Variants in GALNTL6 observed in about 807,000 individuals in gnomAD.
GALNTL6 encodes polypeptide N-acetylgalactosaminyltransferase like 6.
Under a neutral mutation model 73.7 loss-of-function variants are expected in GALNTL6, and 46 were observed. The ratio of observed to expected loss-of-function variants is 0.62; its 90% CI spans 0.49 to 0.80. GALNTL6 has a LOEUF of 0.80. Ranked by LOEUF, GALNTL6 falls within the 30% of genes least tolerant of loss-of-function variation. GALNTL6 has a pLI of 0.00. For synonymous variants in GALNTL6, 259 were observed against 263.7 expected (o/e 0.98, Z 0.17); for missense variants, 604 against 755.0 (o/e 0.80, Z 2.34).
chr4:172,906,793 AG>A (rs1746919055), intron 8 of GALNTL6, among the ~76,000 whole-genome samples: 2 of 152,248 alleles, frequency 1.3e-5, no homozygotes, highest in Admixed American at 6.5e-5. Context: ...CAAGGCCAGC[AG>A]GAGAATTTCT....
intron 7 of GALNTL6, among the ~76,000 whole-genome samples, chr4:172,853,845 A>C (rs1743972447): frequency 6.6e-6 from 1 of 152,194 alleles, no homozygotes; most frequent in Non-Finnish European, 1.5e-5. Context: ...TATTCTATGT[A>C]GTATTGGCAA....
chr4:171,823,556 A>AAT (rs543069066), intron 2 of GALNTL6, among the ~76,000 whole-genome samples: 77 of 133,666 alleles, frequency 5.8e-4, no homozygotes, highest in South Asian at 3.8e-3. Flanking sequence ...ATAAACTGTG[A>AAT]ATATATATAT....
At chr4:172,525,835 C>G (rs774368711) in intron 5 of GALNTL6, among the ~76,000 whole-genome samples, 1 of 152,040 alleles carries the variant, frequency 6.6e-6, no homozygotes, top group Non-Finnish European at 1.5e-5. Flanking sequence ...TGCACTCCAG[C>G]CTGGGTGACA....
At chr4:172,946,715 GT>G in intron 9 of GALNTL6, among the ~76,000 whole-genome samples, 1 of 152,186 alleles carries the variant, frequency 6.6e-6, no homozygotes. Context: ...ATTAATGCCA[GT>G]TTGGGTTGAA....
At chr4:171,881,072 G>T (rs182022628) in intron 2 of GALNTL6, among the ~76,000 whole-genome samples, 200 of 152,072 alleles carry the variant, frequency 1.3e-3, no homozygotes, top group African/African-American at 4.5e-3. Flanking sequence ...TTTAACAGTT[G>T]TGAACAATCT....
At chr4:172,050,858 T>G (rs1220757506) in intron 2 of GALNTL6, among the ~76,000 whole-genome samples, 1 of 152,090 alleles carries the variant, frequency 6.6e-6, no homozygotes, top group East Asian at 1.9e-4. Flanking sequence ...GAGAATAATT[T>G]ATCTGGGAAA....
chr4:172,741,332 T>C (rs1736791828), intron 5 of GALNTL6, among the ~76,000 whole-genome samples: 4 of 152,142 alleles, frequency 2.6e-5, no homozygotes, highest in Admixed American at 2.0e-4. Flanking sequence ...TGGGGCATTG[T>C]CATTGCCGGG....
intron 8 of GALNTL6, among the ~76,000 whole-genome samples, chr4:172,929,240 G>C (rs991517031): frequency 6.6e-6 from 1 of 152,096 alleles, no homozygotes; most frequent in African/African-American, 2.4e-5. Flanking sequence ...TTTAATAATT[G>C]CACTTATTCC....
At chr4:172,806,286 A>G (rs1740953022) in intron 5 of GALNTL6, among the ~76,000 whole-genome samples, 1 of 152,222 alleles carries the variant, frequency 6.6e-6, no homozygotes, top group Non-Finnish European at 1.5e-5. Context: ...AATGGACACT[A>G]TTGAAGGGTC....
intron 2 of GALNTL6, among the ~76,000 whole-genome samples, chr4:171,943,395 G>A (rs541156366): frequency 1.3e-5 from 2 of 152,240 alleles, no homozygotes; most frequent in South Asian, 4.2e-4. Flanking sequence ...GGATTTCCAA[G>A]TTAGAGATGG....
At chr4:172,222,926 T>A (rs1736733751) in intron 2 of GALNTL6, among the ~76,000 whole-genome samples, 1 of 151,948 alleles carries the variant, frequency 6.6e-6, no homozygotes, top group South Asian at 2.1e-4. Flanking sequence ...TAACTGAAGG[T>A]TTGATATGTC....
At chr4:172,919,699 A>G (rs1344806256) in intron 8 of GALNTL6, among the ~76,000 whole-genome samples, 1 of 152,234 alleles carries the variant, frequency 6.6e-6, no homozygotes, top group Non-Finnish European at 1.5e-5. Flanking sequence ...TTCTGGAGAC[A>G]TATGGAAATA....
intron 11 of GALNTL6, among the ~76,000 whole-genome samples, chr4:173,010,068 G>A (rs751882048): frequency 5.9e-5 from 9 of 151,980 alleles, no homozygotes; most frequent in Admixed American, 1.3e-4. Flanking sequence ...TATAGTCACC[G>A]TGTTGTGCTA....
chr4:172,292,261 A>G (rs953738217), intron 3 of GALNTL6, among the ~76,000 whole-genome samples: 1 of 152,072 alleles, frequency 6.6e-6, no homozygotes, highest in African/African-American at 2.4e-5. Context: ...CAATATAATG[A>G]TAAATTATAG....
At chr4:172,611,586 T>C (rs1449165485) in intron 5 of GALNTL6, among the ~76,000 whole-genome samples, 1 of 152,030 alleles carries the variant, frequency 6.6e-6, no homozygotes, top group East Asian at 1.9e-4. Flanking sequence ...GCCTCTTCTC[T>C]CTAGTTATCT....
chr4:172,052,646 C>A (rs538989126), intron 2 of GALNTL6: 26 of 601,444 alleles, frequency 4.3e-5, no homozygotes, highest in Non-Finnish European at 7.0e-5. Context: ...TCACCATCAT[C>A]TCTTTCTTTT....
chr4:171,932,651 T>C (rs967157606), intron 2 of GALNTL6, among the ~76,000 whole-genome samples: 6 of 152,196 alleles, frequency 3.9e-5, no homozygotes, highest in Non-Finnish European at 5.9e-5. Context: ...TATTTCCTTT[T>C]TGTATGTTAC....
At chr4:172,688,575 G>A (rs888319405) in intron 5 of GALNTL6, among the ~76,000 whole-genome samples, 3 of 152,246 alleles carry the variant, frequency 2.0e-5, no homozygotes, top group Middle Eastern at 3.4e-3. Flanking sequence ...TAGAGAGATG[G>A]CATATATTCC....
intron 5 of GALNTL6, among the ~76,000 whole-genome samples, chr4:172,583,139 TAC>T (rs143838483): frequency 6.7e-6 from 1 of 148,164 alleles, no homozygotes; most frequent in Admixed American, 6.7e-5. Flanking sequence ...AATTCACACA[TAC>T]ACACACACAC....
Sources: gnomAD v4.1 joint callset for allele counts (sites outside exome capture counted in the v4.1 genomes callset) on GRCh38, gnomAD v4.1.1 for gene constraint, MANE v1.5 for transcripts, NCBI Gene and HGNC (gene_info 2026-07-23, HGNC 2026-07-21) for gene names.